SOX4: variants seen among roughly 807,000 people sequenced by gnomAD.
SOX4 encodes SRY-box transcription factor 4, also known as transcription factor SOX-4.
For synonymous variants in SOX4, 465 were observed against 348.4 expected, an observed-to-expected ratio of 1.33 and a Z score of -3.73; for missense variants, 662 against 694.9, an observed-to-expected ratio of 0.95 and a Z score of 0.53.
At position 21,595,623 on chromosome 6, in the gene SOX4, C is replaced by A; in HGVS notation, c.1089C>A (p.Ser363Arg). ...CCGCCGACCACCGCGGCTACGCCAG[C>A]CTGCGCGCCGCCTCGCCCGCCCCGT... Reference protein sequence around the residue: ...RSPADHRGYASLRAASPAPSS... With the variant: ...RSPADHRGYARLRAASPAPSS... Residue 363 changes from serine (S) to arginine (R), a missense_variant, in exon 1 of 1, where the codon AGC becomes AGA. By Grantham distance (110) the Ser-to-Arg change is moderately radical. Coordinates refer to ENST00000244745, the MANE Select transcript of SOX4 (RefSeq NM_003107.3). 2 of 1,372,154 alleles carry A rather than the reference C, an allele frequency of 1.5e-6. No homozygotes were observed. The highest frequency in any genetic ancestry group is 1.9e-6 in the Non-Finnish European group (2 of 1,054,278). The allele number at this position is 1,372,154 out of a possible 1,614,324, so 85.0% of individuals were successfully genotyped here.
In SOX4 at chr6:21,595,063, G is replaced by C; in HGVS notation, c.529G>C (p.Ala177Pro). The C allele has an allele frequency of 1.4e-6, 2 of 1,419,850 alleles. No individual in the cohort carries two copies. Among genetic ancestry groups the C allele is most frequent in the Non-Finnish European group, 1.8e-6 (2 of 1,093,242 alleles). 88.0% of individuals were successfully genotyped at this position (1,419,850 alleles called of 1,614,324 possible). The stretch of plus-strand genomic sequence containing the variant: ...CGGCGGCGGCGGCGGGAGCAGCAAC[G>C]CGGGGGGAGGAGGCGGCGGTGCGAG... ...GGGGGGGSSN[A>P]GGGGGGASGG... Residue 177 changes from alanine (A) to proline (P), a missense_variant, in exon 1 of 1, where the codon GCG becomes CCG. Ala to Pro is a conservative substitution (Grantham distance 27). Transcript: ENST00000244745.
rs1451258504 is a variant in SOX4, at chr6:21,595,358, C to T, written c.824C>T (p.Ala275Val). 3 of 1,528,754 alleles carry T rather than the reference C, an allele frequency of 2.0e-6. No homozygotes were observed. The highest frequency in any genetic ancestry group is 1.4e-5 in the African/African-American group (1 of 69,974). 94.7% of individuals were successfully genotyped at this position (1,528,754 alleles called of 1,614,324 possible). Reference sequence around the variant, plus strand: ...GCCTCGGCCTCCGCCTCCTCGGCAGCCTCGGCCTCCGCAGCGCTCGCGGCC... The same window carrying T: ...GCCTCGGCCTCCGCCTCCTCGGCAGTCTCGGCCTCCGCAGCGCTCGCGGCC... ...PSASASASSA[A>V]SASAALAAPG... The change falls in exon 1 of 1, where the codon GCC becomes GTC. Residue 275 changes from alanine to valine, a missense_variant. Transcript: ENST00000244745.
Position 21,596,131 on chromosome 6 carries a change from G to A in SOX4, c.*172G>A. On this transcript the variant is annotated 3_prime_UTR_variant, in exon 1 of 1. Coordinates refer to ENST00000244745, the MANE Select transcript of SOX4 (RefSeq NM_003107.3). The stretch of plus-strand genomic sequence containing the variant: ...TCTCGTCGTCGGATCAAGGAGCGCG[G>A]CGGCGTTTTGGACCCGCGCTCCCAT... 3.4e-6 allele frequency: 4 copies of A among 1,172,964 alleles called. No homozygotes were observed. The Admixed American group carries it at 1.6e-4, about 45-fold the overall frequency. 72.7% of individuals were successfully genotyped at this position (1,172,964 alleles called of 1,614,324 possible). A position where few individuals can be genotyped will look rare whatever the true frequency, so the allele number is the denominator to read the frequency against.
At position 21,595,088 on chromosome 6, in the gene SOX4, G is replaced by A; in HGVS notation, c.554G>A (p.Ser185Asn). The change falls in exon 1 of 1, where the codon AGT becomes AAT. Residue 185 changes from serine (S) to asparagine (N), a missense_variant. Coordinates refer to ENST00000244745, the MANE Select transcript of SOX4 (RefSeq NM_003107.3). ...SNAGGGGGGA[S>N]GGGANSKPAQ... ...GCGGGGGGAGGAGGCGGCGGTGCGA[G>A]TGGCGGCGGCGCCAACTCCAAACCG... 2.1e-6 allele frequency: 3 copies of A among 1,406,708 alleles called. No homozygotes were observed. The highest frequency in any genetic ancestry group is 3.4e-5 in the Admixed American group (1 of 29,264). The allele number at this position is 1,406,708 out of a possible 1,614,324, so 87.1% of individuals were successfully genotyped here.
chr6:21,595,451 C>T lies in SOX4; in HGVS notation c.917C>T (p.Ser306Leu), dbSNP rs1338849740. Residue 306 changes from serine to leucine, a missense_variant, in exon 1 of 1, where the codon TCG becomes TTG. Transcript: ENST00000244745. ...CTGTTCGGCGGCCTGGGCACGTCGT[C>T]GTCGCCCGTGGGCGGCGTGGGCGCG... The part of the protein sequence containing the change: ...VYLFGGLGTS[S>L]SPVGGVGAGA... 3 of 1,497,714 alleles carry T rather than the reference C, an allele frequency of 2.0e-6. No individual in the cohort carries two copies. Among genetic ancestry groups the T allele is most frequent in the Non-Finnish European group, 8.9e-7 (1 of 1,129,474 alleles). The allele number at this position is 1,497,714 out of a possible 1,614,324, so 92.8% of individuals were successfully genotyped here.
At position 21,596,024 on chromosome 6, in the gene SOX4, G is replaced by T. The variant is rs1437962292; in HGVS notation, c.*65G>T. On this transcript the variant is annotated 3_prime_UTR_variant, in exon 1 of 1. Coordinates refer to ENST00000244745, the MANE Select transcript of SOX4 (RefSeq NM_003107.3). ...GAGGAGAAAAAAAAAGTGAAAAAAA[G>T]AAACGAAAAGGACAGACGAAGAGTT... 7.0e-6 allele frequency: 10 copies of T among 1,436,778 alleles called. No homozygotes were observed. In the South Asian group the frequency reaches 1.5e-4, roughly 22 times the overall value. 89.0% of individuals were successfully genotyped at this position (1,436,778 alleles called of 1,614,324 possible). A position where few individuals can be genotyped will look rare whatever the true frequency, so the allele number is the denominator to read the frequency against.
chr6:21,594,121 A>C lies in SOX4; in HGVS notation c.-414A>C. Reference sequence around the variant, plus strand: ...GAACTGGAATCAACTGCTTCAGGGAAAAAGAAAAAAAAAAAAAAAAGACTT... The same window carrying C: ...GAACTGGAATCAACTGCTTCAGGGACAAAGAAAAAAAAAAAAAAAAGACTT... On this transcript the variant is annotated 5_prime_UTR_variant, in exon 1 of 1. Transcript: ENST00000244745. The C allele has an allele frequency of 1.9e-5, 3 of 159,396 alleles. No homozygotes were observed. Among genetic ancestry groups the C allele is most frequent in the Non-Finnish European group, 1.4e-5 (1 of 74,004 alleles). The allele number at this position is 159,396 out of a possible 1,614,324, so 9.9% of individuals were successfully genotyped here. A position where few individuals can be genotyped will look rare whatever the true frequency, so the allele number is the denominator to read the frequency against.
chr6:21,595,527 C>A lies in SOX4; in HGVS notation c.993C>A (p.Gly331=), dbSNP rs949689217. Residue 331 remains glycine, a synonymous_variant, in exon 1 of 1, where the codon GGC becomes GGA. Transcript: ENST00000244745. The stretch of plus-strand genomic sequence containing the variant: ...GCCTGTACGAGGAGGAGGGCGCGGG[C>A]TGCTCGCCCGACGCGCCCAGCCTGA... ...PLGLYEEEGA[G]CSPDAPSLSG... is the part of the protein sequence containing the mutation. 2.0e-5 allele frequency: 25 copies of A among 1,238,090 alleles called. No homozygotes were observed. The Admixed American group carries it at 9.1e-4, about 45-fold the overall frequency. The allele number at this position is 1,238,090 out of a possible 1,614,324, so 76.7% of individuals were successfully genotyped here. A position where few individuals can be genotyped will look rare whatever the true frequency, so the allele number is the denominator to read the frequency against.
At position 21,594,608 on chromosome 6, in the gene SOX4, G is replaced by T. The variant is rs1450067377; in HGVS notation, c.74G>T (p.Gly25Val). Residue 25 changes from glycine (G) to valine (V), a missense_variant, in exon 1 of 1, where the codon GGC becomes GTC. Coordinates refer to ENST00000244745, the MANE Select transcript of SOX4 (RefSeq NM_003107.3). ...GGCGAGAGCTCGGACTCGGGCGCCG[G>T]CCTCGAGCTGGGAATCGCCTCCTCC... ...LAGESSDSGA[G>V]LELGIASSPT... 1.2e-6 allele frequency: 2 copies of T among 1,608,688 alleles called. No homozygotes were observed. Among genetic ancestry groups the T allele is most frequent in the South Asian group, 2.2e-5 (2 of 90,612 alleles).
Position 21,594,615 on chromosome 6 carries a change from G to T in SOX4, c.81G>T (p.Glu27Asp). The T allele has an allele frequency of 6.2e-7, 1 of 1,608,126 alleles. No homozygotes were observed. Among genetic ancestry groups the T allele is most frequent in the Non-Finnish European group, 8.5e-7 (1 of 1,178,248 alleles). ...GCTCGGACTCGGGCGCCGGCCTCGA[G>T]CTGGGAATCGCCTCCTCCCCCACGC... Reference protein sequence around the residue: ...GESSDSGAGLELGIASSPTPG... With the variant: ...GESSDSGAGLDLGIASSPTPG... Residue 27 changes from glutamate to aspartate, a missense_variant, in exon 1 of 1, where the codon GAG (glutamate) becomes GAT (aspartate). Physicochemically the swap from Glu to Asp is conservative, Grantham distance 45. Coordinates refer to ENST00000244745, the MANE Select transcript of SOX4 (RefSeq NM_003107.3).
rs1582601791 is a variant in SOX4 at position 21,594,885 on chromosome 6, C to G, written c.351C>G (p.Leu117=). 7.4e-6 allele frequency: 12 copies of G among 1,613,076 alleles called. No individual in the cohort carries two copies. The highest frequency in any genetic ancestry group is 1.3e-5 in the African/African-American group (1 of 75,062). Residue 117 remains leucine (L), a synonymous_variant, in exon 1 of 1, where the codon CTC becomes CTG. Transcript: ENST00000244745. ...PFIREAERLR[L]KHMADYPDYK... ...TTCGAGAGGCGGAGCGGCTGCGCCTCAAGCACATGGCTGACTACCCCGACT... is the reference window on the plus strand; with the variant it reads ...TTCGAGAGGCGGAGCGGCTGCGCCTGAAGCACATGGCTGACTACCCCGACT...
chr6:21,597,332 G>C lies in SOX4; in HGVS notation c.*1373G>C, dbSNP rs1582604556. ...CTTATAGGTGTAAATGAGAAGACGT[G>C]TTTTTTTCCTTCACCGATGCTCCAT... On this transcript the variant is annotated 3_prime_UTR_variant, in exon 1 of 1. Transcript: ENST00000244745. 1 of 166,770 alleles carries C rather than the reference G, an allele frequency of 6.0e-6. No individual in the cohort carries two copies. Among genetic ancestry groups the C allele is most frequent in the African/African-American group, 2.4e-5 (1 of 41,382 alleles). 10.3% of individuals were successfully genotyped at this position (166,770 alleles called of 1,614,324 possible). A position where few individuals can be genotyped will look rare whatever the true frequency, so the allele number is the denominator to read the frequency against.
Position 21,597,175 on chromosome 6 carries a change from T to C in SOX4, c.*1216T>C, listed in dbSNP as rs1763185982. The C allele has an allele frequency of 6.0e-6, 1 of 166,774 alleles. No homozygotes were observed. The highest frequency in any genetic ancestry group is 1.5e-5 in the Non-Finnish European group (1 of 68,102). The allele number at this position is 166,774 out of a possible 1,614,324, so 10.3% of individuals were successfully genotyped here. On this transcript the variant is annotated 3_prime_UTR_variant, in exon 1 of 1. Coordinates refer to ENST00000244745, the MANE Select transcript of SOX4 (RefSeq NM_003107.3). ...GCAGATAGATGGCGCTATGTTTGAT[T>C]CCTACAACGAAATTATCACCAGCTT... is the stretch of plus-strand genomic sequence containing the variant.
Position 21,594,508 on chromosome 6 carries a change from C to T in SOX4, c.-27C>T, listed in dbSNP as rs1411300695. The T allele has an allele frequency of 1.4e-6, 2 of 1,461,356 alleles. No homozygotes were observed. Among genetic ancestry groups the T allele is most frequent in the Non-Finnish European group, 1.8e-6 (2 of 1,116,128 alleles). 90.5% of individuals were successfully genotyped at this position (1,461,356 alleles called of 1,614,324 possible). ...GGCGGCCGCCGCGAGGGTGTGAGCG[C>T]GCGTGGGCGCCCGCCGAGCCGAGGC... On this transcript the variant is annotated 5_prime_UTR_variant, in exon 1 of 1. Coordinates refer to ENST00000244745, the MANE Select transcript of SOX4 (RefSeq NM_003107.3).
At position 21,596,016 on chromosome 6, in the gene SOX4, GAAA is replaced by G; in HGVS notation, c.*62_*64del. ...GGGTAGGAGAGGAGAAAAAAAAAGTGAAAAAAAGAAACGAAAAGGACAGACGAA... is the reference window on the plus strand; with the variant it reads ...GGGTAGGAGAGGAGAAAAAAAAAGTGAAAAGAAACGAAAAGGACAGACGAA... On this transcript the variant is annotated 3_prime_UTR_variant, in exon 1 of 1. Transcript: ENST00000244745. 7.0e-7 allele frequency: 1 copy of G among 1,428,780 alleles called. No individual in the cohort carries two copies. Among genetic ancestry groups the G allele is most frequent in the South Asian group, 1.5e-5 (1 of 66,002 alleles). The allele number at this position is 1,428,780 out of a possible 1,614,324, so 88.5% of individuals were successfully genotyped here. A position where few individuals can be genotyped will look rare whatever the true frequency, so the allele number is the denominator to read the frequency against.
In SOX4 at chr6:21,598,320, G is replaced by C. The variant is rs1189904825; in HGVS notation, c.*2361G>C. 2 of 167,122 alleles carry C rather than the reference G, an allele frequency of 1.2e-5. No individual in the cohort carries two copies. Among genetic ancestry groups the C allele is most frequent in the East Asian group, 1.9e-4 (1 of 5,204 alleles). 10.4% of individuals were successfully genotyped at this position (167,122 alleles called of 1,614,324 possible). A position where few individuals can be genotyped will look rare whatever the true frequency, so the allele number is the denominator to read the frequency against. On this transcript the variant is annotated 3_prime_UTR_variant, in exon 1 of 1. Transcript: ENST00000244745. ...AAGTCTGTATTATAATAAGCAAAAA[G>C]ATTGTGTGTATGTATGTTTAATATA... is the stretch of plus-strand genomic sequence containing the variant.
chr6:21,596,022 A>G lies in SOX4; in HGVS notation c.*63A>G. The G allele has an allele frequency of 2.1e-6, 3 of 1,438,696 alleles. No homozygotes were observed. Among genetic ancestry groups the G allele is most frequent in the Non-Finnish European group, 2.7e-6 (3 of 1,095,626 alleles). 89.1% of individuals were successfully genotyped at this position (1,438,696 alleles called of 1,614,324 possible). The stretch of plus-strand genomic sequence containing the variant: ...GAGAGGAGAAAAAAAAAGTGAAAAA[A>G]AGAAACGAAAAGGACAGACGAAGAG... On this transcript the variant is annotated 3_prime_UTR_variant, in exon 1 of 1. Transcript: ENST00000244745.
At position 21,594,247 on chromosome 6, in the gene SOX4, A is replaced by G; in HGVS notation, c.-288A>G. 3.0e-6 allele frequency: 1 copy of G among 332,384 alleles called. No homozygotes were observed. The highest frequency in any genetic ancestry group is 5.4e-6 in the Non-Finnish European group (1 of 185,922). The allele number at this position is 332,384 out of a possible 1,614,324, so 20.6% of individuals were successfully genotyped here. On this transcript the variant is annotated 5_prime_UTR_variant, in exon 1 of 1. Coordinates refer to ENST00000244745, the MANE Select transcript of SOX4 (RefSeq NM_003107.3). ...CGGTCTCCAGACTCAGCCGAGAGAC[A>G]GCAAACTGCAGCGCGGTGAGAGAGC... is the stretch of plus-strand genomic sequence containing the variant.
In SOX4 at chr6:21,596,116, G is replaced by A; in HGVS notation, c.*157G>A. 7.9e-7 allele frequency: 1 copy of A among 1,262,786 alleles called. No homozygotes were observed. The highest frequency in any genetic ancestry group is 1.0e-6 in the Non-Finnish European group (1 of 967,612). The allele number at this position is 1,262,786 out of a possible 1,614,324, so 78.2% of individuals were successfully genotyped here. ...TGGCTTCGCCCGCGTTCTCGTCGTC[G>A]GATCAAGGAGCGCGGCGGCGTTTTG... On this transcript the variant is annotated 3_prime_UTR_variant, in exon 1 of 1. Coordinates refer to ENST00000244745, the MANE Select transcript of SOX4 (RefSeq NM_003107.3).
Sources: allele counts gnomAD v4.1 joint callset, GRCh38; gene constraint gnomAD v4.1.1; transcripts MANE v1.5; gene names NCBI Gene and HGNC (gene_info 2026-07-23, HGNC 2026-07-21).